VPS13B: variants seen among roughly 807,000 people sequenced by gnomAD.
VPS13B encodes the protein intermembrane lipid transfer protein VPS13B.
In VPS13B, 285 loss-of-function variants were observed where a neutral mutation model predicts 426.4. That is an observed-to-expected ratio of 0.67 (90% confidence interval 0.61 to 0.74). VPS13B has a LOEUF of 0.74. Ranked by LOEUF, VPS13B falls within the 30% of genes least tolerant of loss-of-function variation. The pLI is 0.00. For synonymous variants in VPS13B, 1,676 were observed against 1,676.4 expected, an observed-to-expected ratio of 1.00 and a Z score of 0.01; for missense variants, 4,537 against 4,782.6, an observed-to-expected ratio of 0.95 and a Z score of 1.51.
intron 19 of VPS13B, among the ~76,000 whole-genome samples, chr8:99,312,689 G>C (rs903067476): frequency 1.3e-5 from 2 of 152,134 alleles, no homozygotes; most frequent in Non-Finnish European, 2.9e-5. Flanking sequence ...GGCGTTCTCT[G>C]TATTTCCTGA....
chr8:99,057,853 T>C lies in VPS13B; in HGVS notation c.291+19287T>C, dbSNP rs147721254. 6.7e-4 allele frequency among the ~76,000 whole-genome samples: 102 copies of C among 152,296 alleles called. 1 individual carries two copies. In the East Asian group the frequency reaches 0.018, roughly 27 times the overall value. On this transcript the variant is annotated intron_variant, in intron 3 of 61. Transcript: ENST00000357162. Reference sequence around the variant, plus strand: ...ATTCATCAGTCTGTTTTCTACTGCTTTCCTATCTCTTGAGTGTATCTATTA... The same window carrying C: ...ATTCATCAGTCTGTTTTCTACTGCTCTCCTATCTCTTGAGTGTATCTATTA...
At position 99,141,945 on chromosome 8, in the gene VPS13B, C is replaced by T. The variant is rs548773639; in HGVS notation, c.1652-1029C>T. Among the ~76,000 whole-genome samples, 9 of 150,514 alleles carry T rather than the reference C, an allele frequency of 6.0e-5. No homozygotes were observed. In the South Asian group the frequency reaches 1.3e-3, roughly 21 times the overall value. On this transcript the variant is annotated intron_variant, in intron 12 of 61. Transcript: ENST00000357162. ...GTGGGCGCCTGTAGTACCAGCTACT[C>T]GGGAGGCTGAGGCAGGAGAATGGCA...
At chr8:99,655,944 A>G (rs953246110) in intron 34 of VPS13B, among the ~76,000 whole-genome samples, 1 of 152,204 alleles carries the variant, frequency 6.6e-6, no homozygotes, top group African/African-American at 2.4e-5. Context: ...CTGCCAAACA[A>G]TTAAGTGAAA....
chr8:99,072,729 A>G (rs4735596), intron 3 of VPS13B, among the ~76,000 whole-genome samples: 11,363 of 152,120 alleles, frequency 0.075, 651 homozygotes, highest in African/African-American at 0.16. Flanking sequence ...TTATAGTTTC[A>G]GGTCTTAAGG....
At chr8:99,801,361 C>T (rs1431677397) in intron 43 of VPS13B, among the ~76,000 whole-genome samples, 1 of 152,142 alleles carries the variant, frequency 6.6e-6, no homozygotes, top group East Asian at 1.9e-4. Context: ...TTTCTAAATT[C>T]TGTTGACAAA....
At chr8:99,393,256 A>G (rs1337714439) in intron 21 of VPS13B, among the ~76,000 whole-genome samples, 2 of 152,132 alleles carry the variant, frequency 1.3e-5, no homozygotes, top group South Asian at 2.1e-4. Context: ...GGAAAAGTTT[A>G]TATGTAAACT....
intron 35 of VPS13B, chr8:99,697,497 A>C: frequency 1.4e-6 from 1 of 740,100 alleles, no homozygotes; most frequent in Non-Finnish European, 2.5e-6. Flanking sequence ...AAGGAGCAGA[A>C]GTCGCTCACC....
At chr8:99,127,431 G>T (rs1339009144) in intron 8 of VPS13B, among the ~76,000 whole-genome samples, 1 of 151,990 alleles carries the variant, frequency 6.6e-6, no homozygotes, top group Non-Finnish European at 1.5e-5. Context: ...CTTTGCAGTT[G>T]TGCACCCCCA....
At chr8:99,831,806 C>G (rs1428038142) in intron 51 of VPS13B, among the ~76,000 whole-genome samples, 7 of 152,198 alleles carry the variant, frequency 4.6e-5, no homozygotes, top group Admixed American at 4.6e-4. Flanking sequence ...TATACAAGTA[C>G]TACGCCATTT....
intron 35 of VPS13B, chr8:99,697,190 G>A (rs1411956126): frequency 5.4e-6 from 3 of 553,024 alleles, no homozygotes; most frequent in Non-Finnish European, 9.9e-6. Context: ...AAGTGGCTGA[G>A]GTGGAGGGTG....
At chr8:99,556,356 G>A in intron 30 of VPS13B, 94 bp from the exon 31 acceptor site, 1 of 1,336,844 alleles carries the variant, frequency 7.5e-7, no homozygotes, top group South Asian at 1.3e-5. Flanking sequence ...GAAAAAAATG[G>A]TATTGACACT....
At chr8:99,872,880 C>G (rs1179715548) in intron 61 of VPS13B, among the ~76,000 whole-genome samples, 1 of 152,220 alleles carries the variant, frequency 6.6e-6, no homozygotes, top group Non-Finnish European at 1.5e-5. Flanking sequence ...CCAACCACAA[C>G]AACTCTTAAG....
intron 19 of VPS13B, among the ~76,000 whole-genome samples, chr8:99,314,546 G>T (rs900199117): frequency 6.6e-6 from 1 of 152,042 alleles, no homozygotes; most frequent in Admixed American, 6.6e-5. Context: ...TTATTATATT[G>T]GAGTGATTGT....
intron 21 of VPS13B, among the ~76,000 whole-genome samples, chr8:99,421,057 TA>T (rs979573225): frequency 1.5e-4 from 23 of 152,180 alleles, no homozygotes; most frequent in African/African-American, 5.5e-4. Context: ...TTTTTAACTT[TA>T]AGGTGGAAGT....
chr8:99,195,378 A>T (rs1224163862), intron 17 of VPS13B, among the ~76,000 whole-genome samples: 1 of 152,164 alleles, frequency 6.6e-6, no homozygotes, highest in Admixed American at 6.5e-5. Flanking sequence ...GCCATTTGTC[A>T]TCTTTTGAGA....
rs1472845336 is a variant in VPS13B, at chr8:99,693,864, G to C, written c.6047-5661G>C. On this transcript the variant is annotated intron_variant, in intron 35 of 61. Transcript: ENST00000357162. ...TCAGCAAAGTCTCAGGATACAAAAT[G>C]AATGTACAAAAATCACAAGCATTCT... Among the ~76,000 whole-genome samples the C allele has an allele frequency of 4.1e-3, 586 of 144,474 alleles. 3 individuals carry two copies. The highest frequency in any genetic ancestry group is 0.014 in the African/African-American group (521 of 38,126). 94.8% of individuals were successfully genotyped at this position (144,474 alleles called of 152,430 possible). A position where few individuals can be genotyped will look rare whatever the true frequency, so the allele number is the denominator to read the frequency against.
At chr8:99,679,841 T>C (rs1156507073) in intron 35 of VPS13B, among the ~76,000 whole-genome samples, 1 of 152,154 alleles carries the variant, frequency 6.6e-6, no homozygotes, top group African/African-American at 2.4e-5. Flanking sequence ...TTGAACACTA[T>C]AACAAAAACC....
intron 49 of VPS13B, 128 bp from the exon 50 acceptor site, chr8:99,821,153 CACACACACACACA>C: frequency 6.1e-6 from 4 of 650,562 alleles, no homozygotes; most frequent in Non-Finnish European, 7.9e-6. Flanking sequence ...CACACACACA[CACACACACACACA>C]CCATGGAGGG....
intron 36 of VPS13B, among the ~76,000 whole-genome samples, chr8:99,715,462 A>G (rs917184283): frequency 6.6e-5 from 10 of 152,226 alleles, no homozygotes; most frequent in African/African-American, 2.2e-4. Context: ...AGAGAATGAA[A>G]TAGAAATTGA....
Sources: allele counts gnomAD v4.1 joint callset (sites outside exome capture counted in the v4.1 genomes callset), GRCh38; gene constraint gnomAD v4.1.1; transcripts MANE v1.5; gene names NCBI Gene and HGNC (gene_info 2026-07-23, HGNC 2026-07-21).